Variants in SYN3 observed in about 807,000 individuals in gnomAD.
SYN3 encodes synapsin-3.
In SYN3, 35 loss-of-function variants were observed where a neutral mutation model predicts 65.8. The ratio of observed to expected loss-of-function variants is 0.53; its 90% CI spans 0.41 to 0.70. SYN3 has a LOEUF of 0.70. Ranked by LOEUF, SYN3 falls within the 30% of genes least tolerant of loss-of-function variation. SYN3 has a pLI of 0.00. For synonymous variants in SYN3, 270 were observed against 292.9 expected, an observed-to-expected ratio of 0.92 and a Z score of 0.80; for missense variants, 680 against 749.0, an observed-to-expected ratio of 0.91 and a Z score of 1.08.
At chr22:32,812,000 T>G (rs886178714) in intron 6 of SYN3, among the ~76,000 whole-genome samples, 1 of 152,152 alleles carries the variant, frequency 6.6e-6, no homozygotes, top group Non-Finnish European at 1.5e-5. Flanking sequence ...CAGTGTGGCA[T>G]GGAGGAGGAG....
At chr22:32,911,166 G>A (rs1315371446) in intron 4 of SYN3, among the ~76,000 whole-genome samples, 1 of 152,150 alleles carries the variant, frequency 6.6e-6, no homozygotes, top group African/African-American at 2.4e-5. Flanking sequence ...AGCAGTCTGG[G>A]GTCTGGGCAT....
intron 6 of SYN3, among the ~76,000 whole-genome samples, chr22:32,689,901 G>T (rs948833566): frequency 6.6e-6 from 1 of 152,142 alleles, no homozygotes; most frequent in African/African-American, 2.4e-5. Flanking sequence ...AAGAGGCCAG[G>T]TGTGGTGGCT....
intron 1 of SYN3, among the ~76,000 whole-genome samples, chr22:33,047,863 C>CAAAAA (rs58025351): frequency 1.9e-5 from 1 of 53,540 alleles, no homozygotes; most frequent in Non-Finnish European, 4.2e-5. Flanking sequence ...TTTTCATGTG[C>CAAAAA]AAAAAAAAAA....
At chr22:33,031,573 C>T (rs2053756104) in intron 1 of SYN3, among the ~76,000 whole-genome samples, 1 of 152,046 alleles carries the variant, frequency 6.6e-6, no homozygotes, top group Non-Finnish European at 1.5e-5. Flanking sequence ...CCCTTCTAAT[C>T]CTTCTGTGTC....
intron 1 of SYN3, among the ~76,000 whole-genome samples, chr22:33,007,883 T>C (rs750306826): frequency 3.3e-5 from 5 of 152,184 alleles, no homozygotes; most frequent in Non-Finnish European, 7.4e-5. Context: ...TTGAGAACAA[T>C]GACTATTTAA....
At chr22:32,774,652 G>A (rs1219548460) in intron 6 of SYN3, among the ~76,000 whole-genome samples, 1 of 151,972 alleles carries the variant, frequency 6.6e-6, no homozygotes, top group Non-Finnish European at 1.5e-5. Flanking sequence ...GAGTGCAATG[G>A]CGCACGATCT....
intron 4 of SYN3, among the ~76,000 whole-genome samples, chr22:32,923,653 T>C (rs2050392561): frequency 6.6e-6 from 1 of 152,378 alleles, no homozygotes; most frequent in Non-Finnish European, 1.5e-5. Flanking sequence ...TATGGCCCTA[T>C]ATGCCTGTGG....
intron 7 of SYN3, among the ~76,000 whole-genome samples, chr22:32,593,459 C>G (rs1227908449): frequency 6.6e-6 from 1 of 152,096 alleles, no homozygotes; most frequent in African/African-American, 2.4e-5. Context: ...AGATACAGGT[C>G]AGAGAAACAT....
intron 3 of SYN3, among the ~76,000 whole-genome samples, chr22:32,975,119 G>A (rs1256589347): frequency 6.6e-6 from 1 of 152,164 alleles, no homozygotes; most frequent in Non-Finnish European, 1.5e-5. Flanking sequence ...GCTCATGCCT[G>A]TAATCCCATC....
intron 4 of SYN3, among the ~76,000 whole-genome samples, chr22:32,897,321 C>T (rs1467190275): frequency 6.6e-6 from 1 of 152,180 alleles, no homozygotes; most frequent in Non-Finnish European, 1.5e-5. Flanking sequence ...GAGCCCCACA[C>T]ATCCAAGGAG....
Position 32,518,325 on chromosome 22 carries a change from C to T in SYN3, c.1328G>A (p.Arg443His), listed in dbSNP as rs150768274. ...CTGGGGCTGAGGAGACTGAGCTTGG[C>T]GAGGGCCTCCTAAGGGGCCAGAAAA... is the stretch of plus-strand genomic sequence containing the variant. Reference protein sequence around the residue: ...QPRPPPQGGPRQAQSPQPQRS... With the variant: ...QPRPPPQGGPHQAQSPQPQRS... Residue 443 changes from arginine (R) to histidine (H), a missense_variant, in exon 13 of 14, where the codon CGC (arginine) becomes CAC (histidine). Physicochemically the swap from Arg to His is conservative, Grantham distance 29. Coordinates refer to ENST00000358763, the MANE Select transcript of SYN3 (RefSeq NM_003490.4). 9,945 of 1,607,586 alleles carry T rather than the reference C, an allele frequency of 6.2e-3. 35 individuals carry two copies. Among genetic ancestry groups the T allele is most frequent in the Middle Eastern group, 7.5e-3 (45 of 6,036 alleles).
chr22:33,028,664 G>GTGA (rs1228674857), intron 1 of SYN3, among the ~76,000 whole-genome samples: 4 of 120,038 alleles, frequency 3.3e-5, no homozygotes, highest in Non-Finnish European at 7.2e-5. Flanking sequence ...GGTGGTGGTG[G>GTGA]TGGTGGTGGT....
rs374565919 is a variant in SYN3 at position 32,670,954 on chromosome 22, C to T, written c.712-74218G>A. Among the ~76,000 whole-genome samples the T allele has an allele frequency of 2.7e-3, 413 of 152,286 alleles. 1 individual carries two copies. The highest frequency in any genetic ancestry group is 9.2e-3 in the African/African-American group (382 of 41,552). On this transcript the variant is annotated intron_variant, in intron 6 of 13. Transcript: ENST00000358763. Reference sequence around the variant, plus strand: ...TGACCACTACGGTGTTCAGGAATAGCAAGAGCAATTCTATTGACAACGGAG... The same window carrying T: ...TGACCACTACGGTGTTCAGGAATAGTAAGAGCAATTCTATTGACAACGGAG...
intron 10 of SYN3, among the ~76,000 whole-genome samples, chr22:32,532,461 G>A (rs1434210424): frequency 1.3e-5 from 2 of 152,424 alleles, no homozygotes; most frequent in East Asian, 3.8e-4. Flanking sequence ...CAGGTGTGGT[G>A]GCGGCCAGAG....
At chr22:32,678,775 A>G (rs1286935408) in intron 6 of SYN3, among the ~76,000 whole-genome samples, 1 of 151,960 alleles carries the variant, frequency 6.6e-6, no homozygotes, top group East Asian at 1.9e-4. Context: ...GACAACTCTT[A>G]TGGTTTTTCT....
chr22:32,970,974 T>C (rs1294163579), intron 3 of SYN3, among the ~76,000 whole-genome samples: 4 of 152,256 alleles, frequency 2.6e-5, no homozygotes, highest in African/African-American at 4.8e-5. Context: ...TTACTAGCTG[T>C]GTCACATGCC....
chr22:32,799,957 C>T lies in SYN3; in HGVS notation c.711+64958G>A, dbSNP rs540010524. The stretch of plus-strand genomic sequence containing the variant: ...ACATCGAGAGACAGAAACATCTCTA[C>T]GAGTTAGGCCACAGTTAGAGTGAAG... On this transcript the variant is annotated intron_variant, in intron 6 of 13. Coordinates refer to ENST00000358763, the MANE Select transcript of SYN3 (RefSeq NM_003490.4). Among the ~76,000 whole-genome samples, 21 of 152,168 alleles carry T rather than the reference C, an allele frequency of 1.4e-4. 1 individual carries two copies. The South Asian group carries it at 3.3e-3, about 24-fold the overall frequency.
intron 6 of SYN3, among the ~76,000 whole-genome samples, chr22:32,662,818 C>A (rs1350135897): frequency 6.6e-6 from 1 of 152,170 alleles, no homozygotes. Flanking sequence ...GTGTTCCAAG[C>A]ACTGTGCGTG....
intron 6 of SYN3, among the ~76,000 whole-genome samples, chr22:32,639,197 C>T (rs2059861468): frequency 6.6e-6 from 1 of 152,194 alleles, no homozygotes; most frequent in Non-Finnish European, 1.5e-5. Context: ...TCCTGATCCA[C>T]CCGCCTCGGC....
Sources: gnomAD v4.1 joint callset for allele counts (sites outside exome capture counted in the v4.1 genomes callset) on GRCh38, gnomAD v4.1.1 for gene constraint, MANE v1.5 for transcripts, NCBI Gene and HGNC (gene_info 2026-07-23, HGNC 2026-07-21) for gene names.